Variants in ZC3H7B observed in about 807,000 individuals in gnomAD.
ZC3H7B encodes the protein zinc finger CCCH domain-containing protein 7B.
A neutral mutation model predicts 116.0 loss-of-function variants in ZC3H7B; 35 were observed. The ratio of observed to expected loss-of-function variants is 0.30; its 90% CI spans 0.23 to 0.40. ZC3H7B has a LOEUF of 0.40. Ranked by LOEUF, ZC3H7B falls within the 10% of genes least tolerant of loss-of-function variation. The pLI is 1.00. For missense variants in ZC3H7B, 1,011 were observed against 1,321.5 expected (o/e 0.77, Z 3.64); for synonymous variants, 502 against 545.6 (o/e 0.92, Z 1.11).
rs1017268009 is a variant in ZC3H7B, at chr22:41,327,577, A to G, written c.444+213A>G. 6.6e-6 allele frequency among the ~76,000 whole-genome samples: 1 copy of G among 152,216 alleles called. No individual in the cohort carries two copies. Among genetic ancestry groups the G allele is most frequent in the African/African-American group, 2.4e-5 (1 of 41,464 alleles). On this transcript the variant is annotated intron_variant, in intron 5 of 22. Coordinates refer to ENST00000352645, the MANE Select transcript of ZC3H7B (RefSeq NM_017590.6). This position sits in a 1 kb window ranked among gnomAD's most constrained non-coding sequence, Gnocchi z 4.5. ...TAGGATGCATTGTGTGTATTAACTC[A>G]CCTAATACTGGCAATAACCCTAAGA...
rs772273218 is a variant in ZC3H7B, at chr22:41,343,421, G to A, written c.1304G>A (p.Arg435Gln). Residue 435 changes from arginine (R) to glutamine (Q), a missense_variant, in exon 13 of 23, where the codon CGG (arginine) becomes CAG (glutamine). Physicochemically the swap from Arg to Gln is conservative, Grantham distance 43. This residue lies in a region of ZC3H7B where 179 missense variants were observed against 178.5 expected (regional missense o/e 1.00). Coordinates refer to ENST00000352645, the MANE Select transcript of ZC3H7B (RefSeq NM_017590.6). ...GTGTCCACCCTGCCCATAGGCCCCCGGGCTGGCGACTACACCTACCGTGAG... is the reference window on the plus strand; with the variant it reads ...GTGTCCACCCTGCCCATAGGCCCCCAGGCTGGCGACTACACCTACCGTGAG... ...CQLCYPKTGP[R>Q]AGDYTYREGL... The A allele has an allele frequency of 1.9e-5, 31 of 1,609,838 alleles. No homozygotes were observed. The highest frequency in any genetic ancestry group is 4.4e-5 in the South Asian group (4 of 90,748).
chr22:41,307,289 C>G, intron 1 of ZC3H7B, among the ~76,000 whole-genome samples: 1 of 152,158 alleles, frequency 6.6e-6, no homozygotes, highest in East Asian at 1.9e-4. Context: ...CGGCTCCTTT[C>G]ATCACATTTC....
chr22:41,321,270 C>T (rs1052176301), intron 2 of ZC3H7B, among the ~76,000 whole-genome samples: 1 of 147,470 alleles, frequency 6.8e-6, no homozygotes, highest in Non-Finnish European at 1.5e-5. Context: ...GGCTGGAGTG[C>T]AGTGACATGA....
chr22:41,302,142 G>A lies in ZC3H7B; in HGVS notation c.-7+370G>A, dbSNP rs1003987299. ...CTCTCTTCGGCGTCCGGAGCTTCTG[G>A]GGTGTCCAGATGCTTTGCCGACCCC... On this transcript the variant is annotated intron_variant, in intron 1 of 22. Transcript: ENST00000352645. This position sits in a 1 kb window ranked among gnomAD's most constrained non-coding sequence, Gnocchi z 5.7. Among the ~76,000 whole-genome samples, 1 of 152,026 alleles carries A rather than the reference G, an allele frequency of 6.6e-6. No homozygotes were observed. Among genetic ancestry groups the A allele is most frequent in the African/African-American group, 2.4e-5 (1 of 41,400 alleles).
chr22:41,321,611 A>C (rs1601771100), intron 2 of ZC3H7B, among the ~76,000 whole-genome samples: 2 of 152,236 alleles, frequency 1.3e-5, no homozygotes, highest in South Asian at 4.2e-4. Flanking sequence ...TCAGCCTCCC[A>C]AAGTGCTGGG....
At chr22:41,339,489 G>T (rs911346465) in intron 9 of ZC3H7B, among the ~76,000 whole-genome samples, 2 of 152,114 alleles carry the variant, frequency 1.3e-5, no homozygotes, top group Admixed American at 6.5e-5. Context: ...AGCCGGGCAT[G>T]GTGGCACATG....
rs2281331 is a variant in ZC3H7B at position 41,349,351 on chromosome 22, A to G, written c.1948+50A>G. 0.53 allele frequency: 845,454 copies of G among 1,600,806 alleles called. 229,428 individuals carry two copies. The highest frequency in any genetic ancestry group is 0.75 in the African/African-American group (55,960 of 74,786). ...AGGGCAGGTGACTCAGGTGAGGGGT[A>G]GGCGGCGCAGGTGAAGGGAGCGCAG... On this transcript the variant is annotated intron_variant, in intron 16 of 22. Transcript: ENST00000352645. This position sits in a 1 kb window ranked among gnomAD's most constrained non-coding sequence, Gnocchi z 4.9.
At chr22:41,334,981 G>A (rs1192562092) in intron 7 of ZC3H7B, 1 of 152,242 alleles carries the variant, frequency 6.6e-6, no homozygotes, top group Non-Finnish European at 1.5e-5. Context: ...TCCAGGAACA[G>A]AGAGCCCAAG....
At position 41,357,627 on chromosome 22, in the gene ZC3H7B, G is replaced by A. The variant is rs900363608; in HGVS notation, c.*198G>A. 2.0e-5 allele frequency: 15 copies of A among 762,724 alleles called. No homozygotes were observed. Among genetic ancestry groups the A allele is most frequent in the Admixed American group, 3.0e-5 (1 of 33,524 alleles). 47.2% of individuals were successfully genotyped at this position (762,724 alleles called of 1,614,324 possible). On this transcript the variant is annotated 3_prime_UTR_variant, in exon 23 of 23. Transcript: ENST00000352645. The surrounding 1 kb of genome is among the most constrained non-coding windows in gnomAD (Gnocchi z 5.4). The stretch of plus-strand genomic sequence containing the variant: ...CCCAGGCGCACGTGCTGCAGCCCCC[G>A]GAGGCCCCGCTGAAACCTGGGCTGC...
At chr22:41,307,211 C>T (rs898414009) in intron 1 of ZC3H7B, among the ~76,000 whole-genome samples, 1 of 151,872 alleles carries the variant, frequency 6.6e-6, no homozygotes, top group African/African-American at 2.4e-5. Context: ...CTCCTGACCT[C>T]GTGATCCACC....
At position 41,321,678 on chromosome 22, in the gene ZC3H7B, C is replaced by T. The variant is rs145272728; in HGVS notation, c.53+965C>T. On this transcript the variant is annotated intron_variant, in intron 2 of 22. Transcript: ENST00000352645. ...TCCATCATCTTTTTAATCTTCTCAA[C>T]AGCCCAGTAAAGTAGGTAGCCTTAT... 6.1e-3 allele frequency among the ~76,000 whole-genome samples: 930 copies of T among 152,070 alleles called. 10 individuals are homozygous for T. The highest frequency in any genetic ancestry group is 0.021 in the African/African-American group (885 of 41,448).
intron 1 of ZC3H7B, among the ~76,000 whole-genome samples, chr22:41,317,047 C>T (rs558930758): frequency 1.3e-5 from 2 of 152,182 alleles, no homozygotes; most frequent in South Asian, 4.1e-4. Context: ...AGTGTTTCAC[C>T]ATGTTGGCCA....
In ZC3H7B at chr22:41,343,530, C is replaced by G; in HGVS notation, c.1413C>G (p.Pro471=). Residue 471 remains proline, a synonymous_variant, in exon 13 of 23, where the codon CCC becomes CCG. Transcript: ENST00000352645. Reference sequence around the variant, plus strand: ...ACCAGACCTGGAAGCGGATCCGGCCCCGGCCCACTAAGACCAGCTTCGTGG... The same window carrying G: ...ACCAGACCTGGAAGCGGATCCGGCCGCGGCCCACTAAGACCAGCTTCGTGG... ...SEDQTWKRIR[P]RPTKTSFVGS... 6.2e-7 allele frequency: 1 copy of G among 1,613,070 alleles called. No homozygotes were observed. The highest frequency in any genetic ancestry group is 8.5e-7 in the Non-Finnish European group (1 of 1,179,572).
At chr22:41,304,357 A>G (rs55658582) in intron 1 of ZC3H7B, among the ~76,000 whole-genome samples, 59,694 of 150,362 alleles carry the variant, frequency 0.4, 12,387 homozygotes, top group Middle Eastern at 0.46. Flanking sequence ...TCTGAATTCA[A>G]GTGAACTCCT....
chr22:41,311,433 C>G (rs919158211), intron 1 of ZC3H7B, among the ~76,000 whole-genome samples: 10 of 151,950 alleles, frequency 6.6e-5, no homozygotes, highest in Non-Finnish European at 1.3e-4. Context: ...TGGAGAAACA[C>G]CCAATCCAGC....
chr22:41,343,515 G>T lies in ZC3H7B; in HGVS notation c.1398G>T (p.Trp466Cys), dbSNP rs1434234095. The T allele has an allele frequency of 6.2e-7, 1 of 1,613,610 alleles. No homozygotes were observed. The highest frequency in any genetic ancestry group is 8.5e-7 in the Non-Finnish European group (1 of 1,179,868). ...GRLRSSEDQT[W>C]KRIRPRPTKT... is the part of the protein sequence containing the mutation. ...TCCGGAGCTCGGAGGACCAGACCTG[G>T]AAGCGGATCCGGCCCCGGCCCACTA... Residue 466 changes from tryptophan to cysteine, a missense_variant, in exon 13 of 23, where the codon TGG becomes TGT. By Grantham distance (215) the Trp-to-Cys change is radical. Coordinates refer to ENST00000352645, the MANE Select transcript of ZC3H7B (RefSeq NM_017590.6).
chr22:41,315,880 C>T (rs1406023516), intron 1 of ZC3H7B, among the ~76,000 whole-genome samples: 1 of 152,260 alleles, frequency 6.6e-6, no homozygotes, highest in African/African-American at 2.4e-5. Context: ...AGAGCTTCAG[C>T]ATATGAATTT....
At chr22:41,312,156 CAAAA>C (rs57597464) in intron 1 of ZC3H7B, among the ~76,000 whole-genome samples, 5 of 88,932 alleles carry the variant, frequency 5.6e-5, no homozygotes, top group African/African-American at 4.2e-5. Flanking sequence ...GACTCCGTCT[CAAAA>C]AAAAAAAAAA....
intron 13 of ZC3H7B, among the ~76,000 whole-genome samples, chr22:41,345,153 C>A (rs1445708236): frequency 2.6e-5 from 4 of 152,190 alleles, no homozygotes; most frequent in Admixed American, 6.5e-5. Context: ...TTGATTCCAA[C>A]AACCCAGTCT....
Sources: gnomAD v4.1 joint callset for allele counts (sites outside exome capture counted in the v4.1 genomes callset) on GRCh38, gnomAD v4.1.1 for gene constraint, gnomAD v4.1.1 regional missense constraint, Gnocchi (gnomAD v3.1) non-coding constraint, MANE v1.5 for transcripts, NCBI Gene and HGNC (gene_info 2026-07-23, HGNC 2026-07-21) for gene names.